CTCF: variants seen among roughly 807,000 people sequenced by gnomAD.
CTCF encodes the protein transcriptional repressor CTCF.
In CTCF, 7 loss-of-function variants were observed where a neutral mutation model predicts 72.3. That is an observed-to-expected ratio of 0.10 (90% CI 0.06 to 0.18). CTCF has a LOEUF of 0.18. Among genes scored for constraint, CTCF ranks in the 10% least tolerant of loss-of-function variants. CTCF has a pLI of 1.00. For missense variants in CTCF, 516 were observed against 949.1 expected (o/e 0.54, Z 6.00); for synonymous variants, 374 against 315.8 (o/e 1.18, Z -1.95).
At chr16:67,573,522 CAT>C (rs2051453558) in intron 2 of CTCF, among the ~76,000 whole-genome samples, 1 of 152,094 alleles carries the variant, frequency 6.6e-6, no homozygotes, top group Non-Finnish European at 1.5e-5. Context: ...ATTAAGATAA[CAT>C]AGGTCTTCAA....
intron 4 of CTCF, among the ~76,000 whole-genome samples, chr16:67,613,416 T>C (rs973827541): frequency 1.3e-5 from 2 of 152,240 alleles, no homozygotes; most frequent in African/African-American, 2.4e-5. Flanking sequence ...GACTTACTTT[T>C]AAACATCTCC....
intron 2 of CTCF, among the ~76,000 whole-genome samples, chr16:67,603,218 A>C (rs1248069735): frequency 6.7e-6 from 1 of 149,142 alleles, no homozygotes; most frequent in Non-Finnish European, 1.5e-5. Flanking sequence ...ACACCTCTAC[A>C]AAAAAAAAAT....
chr16:67,577,887 G>A (rs1488882276), intron 2 of CTCF, among the ~76,000 whole-genome samples: 1 of 152,162 alleles, frequency 6.6e-6, no homozygotes. Flanking sequence ...AGTTCTTGCA[G>A]TGATCCTCAC....
chr16:67,617,781 A>G (rs1597718777), intron 5 of CTCF, among the ~76,000 whole-genome samples: 2 of 152,204 alleles, frequency 1.3e-5, no homozygotes, highest in Admixed American at 6.6e-5. Flanking sequence ...AGGTTTATCA[A>G]TTTTATTATT....
chr16:67,616,942 C>G, intron 5 of CTCF, 64 bp downstream of exon 5: 2 of 1,525,358 alleles, frequency 1.3e-6, no homozygotes, highest in Non-Finnish European at 1.8e-6. Context: ...CAATACAAAG[C>G]TATAACTACT....
intron 5 of CTCF, 50 bp from the exon 6 acceptor site, chr16:67,620,647 T>C (rs751255810): frequency 6.8e-7 from 1 of 1,466,334 alleles, no homozygotes; most frequent in Non-Finnish European, 9.2e-7. Context: ...TGTGCTCTTG[T>C]TACAGTCTGT....
chr16:67,602,698 A>G (rs1037590672), intron 2 of CTCF, among the ~76,000 whole-genome samples: 4 of 151,954 alleles, frequency 2.6e-5, no homozygotes, highest in African/African-American at 9.7e-5. Context: ...AAAATTAGCC[A>G]GGTGTGGTGG....
chr16:67,623,642 A>G (rs114816906), intron 7 of CTCF, among the ~76,000 whole-genome samples: 5,001 of 152,036 alleles, frequency 0.033, 122 homozygotes, highest in South Asian at 0.06. Flanking sequence ...CAAAAAAAAA[A>G]AAGAATCTTA....
chr16:67,626,876 G>A (rs1229013267), intron 8 of CTCF, 161 bp downstream of exon 8: 3 of 440,472 alleles, frequency 6.8e-6, no homozygotes. Context: ...CTTGTCAATT[G>A]TGTCATCCCG....
intron 2 of CTCF, among the ~76,000 whole-genome samples, chr16:67,598,723 A>G (rs751783539): frequency 6.6e-6 from 1 of 152,276 alleles, no homozygotes; most frequent in African/African-American, 2.4e-5. Flanking sequence ...GATAAAAGCA[A>G]TTCTGTAGGG....
At chr16:67,622,647 T>TC (rs1168277949) in intron 7 of CTCF, among the ~76,000 whole-genome samples, 7 of 149,516 alleles carry the variant, frequency 4.7e-5, no homozygotes, top group Non-Finnish European at 1.0e-4. Flanking sequence ...CTTACTTTTT[T>TC]TTTTTTTTTT....
intron 1 of CTCF, among the ~76,000 whole-genome samples, chr16:67,567,182 G>A (rs973448503): frequency 1.3e-5 from 2 of 152,042 alleles, no homozygotes; most frequent in Non-Finnish European, 1.5e-5. Context: ...GTCTGTCTTC[G>A]TATCTTTCCT....
At chr16:67,570,922 T>C (rs374556975) in intron 1 of CTCF, 3 of 152,042 alleles carry the variant, frequency 2.0e-5, no homozygotes, top group East Asian at 1.9e-4. Context: ...TAGAAACCTT[T>C]AGTCCTTTAT....
intron 2 of CTCF, among the ~76,000 whole-genome samples, chr16:67,590,960 CA>C (rs58183374): frequency 0.27 from 15,018 of 54,950 alleles, 773 homozygotes; most frequent in Non-Finnish European, 0.32. Flanking sequence ...GACTCTGTCT[CA>C]AAAAAAAAAA....
At chr16:67,620,392 G>T (rs981043522) in intron 5 of CTCF, among the ~76,000 whole-genome samples, 1 of 151,958 alleles carries the variant, frequency 6.6e-6, no homozygotes, top group Non-Finnish European at 1.5e-5. Flanking sequence ...GTAGATACGG[G>T]GTCTCACCAT....
intron 4 of CTCF, chr16:67,615,187 A>T (rs890185857): frequency 2.0e-5 from 3 of 152,278 alleles, no homozygotes; most frequent in African/African-American, 7.2e-5. Flanking sequence ...GTAGGTGGTC[A>T]TGTGGCACAG....
intron 7 of CTCF, among the ~76,000 whole-genome samples, chr16:67,625,606 G>A (rs1249468997): frequency 6.6e-6 from 1 of 152,066 alleles, no homozygotes; most frequent in African/African-American, 2.4e-5. Flanking sequence ...AACTCTTTGT[G>A]GCATTGGTGG....
chr16:67,580,500 C>T (rs563667537), intron 2 of CTCF, among the ~76,000 whole-genome samples: 1 of 151,744 alleles, frequency 6.6e-6, no homozygotes, highest in South Asian at 2.1e-4. Context: ...CCACCATGCC[C>T]AGCTTAGTTT....
At chr16:67,624,117 A>ATGTGTGTGTGTGTGTGTGTG (rs1207947513) in intron 7 of CTCF, among the ~76,000 whole-genome samples, 1 of 92,528 alleles carries the variant, frequency 1.1e-5, no homozygotes, top group Non-Finnish European at 2.2e-5. Context: ...GTGTGTGTGT[A>ATGTGTGTGTGTGTGTGTGTG]TGTGTGTGTA....
Sources: allele counts gnomAD v4.1 joint callset (sites outside exome capture counted in the v4.1 genomes callset), GRCh38; gene constraint gnomAD v4.1.1; transcripts MANE v1.5; gene names NCBI Gene and HGNC (gene_info 2026-07-23, HGNC 2026-07-21).